UGT1A3: variants seen among roughly 807,000 people sequenced by gnomAD.
The protein encoded by UGT1A3 is UDP glucuronosyltransferase family 1 member A3.
In UGT1A3, 31 loss-of-function variants were observed where a neutral mutation model predicts 41.0. The ratio of observed to expected loss-of-function variants is 0.76; its 90% CI spans 0.57 to 1.02. The LOEUF is 1.02. UGT1A3 is among the 50% of genes least tolerant of loss of function. UGT1A3 has a pLI of 0.00. For missense variants in UGT1A3, 737 were observed against 671.0 expected (o/e 1.10, Z -1.09); for synonymous variants, 262 against 257.6 (o/e 1.02, Z -0.17).
chr2:233,757,238 G>C (rs191269433), intron 1 of UGT1A3, among the ~76,000 whole-genome samples: 1 of 148,984 alleles, frequency 6.7e-6, no homozygotes, highest in East Asian at 2.0e-4. Flanking sequence ...AGAAGTGGTG[G>C]TGAGGTGGGG....
At chr2:233,755,176 G>A in intron 1 of UGT1A3, 1 of 1,238,182 alleles carries the variant, frequency 8.1e-7, no homozygotes, top group South Asian at 1.2e-5. Flanking sequence ...TTTTTGTCGG[G>A]GTGCCACTTG....
rs778424052 is a variant in UGT1A3 at position 233,729,800 on chromosome 2, A to G, written c.674A>G (p.His225Arg). 8.1e-6 allele frequency: 13 copies of G among 1,613,840 alleles called. No homozygotes were observed. The highest frequency in any genetic ancestry group is 1.1e-5 in the South Asian group (1 of 91,078). Residue 225 changes from histidine (H) to arginine (R), a missense_variant, in exon 1 of 5, where the codon CAT becomes CGT. Physicochemically the swap from His to Arg is conservative, Grantham distance 29. Coordinates refer to ENST00000482026, the MANE Select transcript of UGT1A3 (RefSeq NM_019093.4). Reference sequence around the variant, plus strand: ...CCTCTGGCCCTGTCCTACATTTGCCATGCTTTTTCTGCTCCTTATGCAAGC... The same window carrying G: ...CCTCTGGCCCTGTCCTACATTTGCCGTGCTTTTTCTGCTCCTTATGCAAGC... Reference protein sequence around the residue: ...LYPLALSYICHAFSAPYASLA... With the variant: ...LYPLALSYICRAFSAPYASLA...
intron 1 of UGT1A3, chr2:233,754,454 C>T: frequency 5.6e-6 from 2 of 355,014 alleles, no homozygotes; most frequent in Admixed American, 3.8e-5. Context: ...TTCTTGGGTA[C>T]AGCTGTTCTG....
At chr2:233,744,448 G>C (rs1692820883) in intron 1 of UGT1A3, among the ~76,000 whole-genome samples, 1 of 151,846 alleles carries the variant, frequency 6.6e-6, no homozygotes, top group African/African-American at 2.4e-5. Context: ...TACTGCATTA[G>C]AGATTAAAAC....
At chr2:233,732,493 G>C (rs141356640) in intron 1 of UGT1A3, among the ~76,000 whole-genome samples, 2 of 152,178 alleles carry the variant, frequency 1.3e-5, no homozygotes, top group African/African-American at 4.8e-5. Context: ...TGTATAAGGC[G>C]TAAGGAAGGG....
intron 1 of UGT1A3, chr2:233,754,630 T>C (rs1285371125): frequency 2.2e-6 from 1 of 445,558 alleles, no homozygotes; most frequent in East Asian, 7.0e-5. Flanking sequence ...ACTTCCACCC[T>C]TTCTTGGCCA....
At chr2:233,737,894 G>A (rs1690620451) in intron 1 of UGT1A3, among the ~76,000 whole-genome samples, 1 of 151,986 alleles carries the variant, frequency 6.6e-6, no homozygotes, top group Non-Finnish European at 1.5e-5. Context: ...GCTAATTTTC[G>A]AGTGTGGTAA....
chr2:233,743,267 C>T (rs1692250223), intron 1 of UGT1A3: 1 of 463,686 alleles, frequency 2.2e-6, no homozygotes, highest in Non-Finnish European at 4.0e-6. Flanking sequence ...TCTTCCTCCA[C>T]TTCCACCCTT....
intron 4 of UGT1A3, chr2:233,770,774 T>C (rs1700153442): frequency 6.6e-6 from 1 of 152,224 alleles, no homozygotes; most frequent in African/African-American, 2.4e-5. Context: ...TAATAATGTT[T>C]CCAAATAACA....
intron 1 of UGT1A3, among the ~76,000 whole-genome samples, chr2:233,751,862 A>G (rs1489873330): frequency 6.6e-6 from 1 of 152,176 alleles, no homozygotes; most frequent in Admixed American, 6.5e-5. Flanking sequence ...TGTCTTTTAT[A>G]AATTACCCCG....
At chr2:233,758,124 A>G (rs1696806452) in intron 1 of UGT1A3, among the ~76,000 whole-genome samples, 1 of 152,212 alleles carries the variant, frequency 6.6e-6, no homozygotes, top group South Asian at 2.1e-4. Flanking sequence ...CGTTCCATAA[A>G]TATTTGGCAG....
intron 1 of UGT1A3, chr2:233,743,596 C>T (rs925952692): frequency 1.5e-6 from 2 of 1,367,220 alleles, no homozygotes; most frequent in Admixed American, 1.9e-5. Flanking sequence ...AGAATGGGTC[C>T]TGGCCGCCGA....
chr2:233,750,847 G>C (rs534611009), intron 1 of UGT1A3: 1 of 152,014 alleles, frequency 6.6e-6, no homozygotes, highest in African/African-American at 2.4e-5. Flanking sequence ...GGAAATGCTT[G>C]GATGTCCAGG....
intron 4 of UGT1A3, 140 bp from the exon 5 acceptor site, chr2:233,772,122 C>T (rs749512514): frequency 2.9e-5 from 45 of 1,536,534 alleles, no homozygotes; most frequent in Non-Finnish European, 3.9e-5. Flanking sequence ...CTAAAAACAA[C>T]AACAACAACA....
chr2:233,738,711 A>G (rs1264212613), intron 1 of UGT1A3, among the ~76,000 whole-genome samples: 1 of 152,268 alleles, frequency 6.6e-6, no homozygotes, highest in Non-Finnish European at 1.5e-5. Context: ...GAAGCAGAGC[A>G]TAAAAGTTTG....
At position 233,754,981 on chromosome 2, in the gene UGT1A3, C is replaced by G. The variant is rs561889596; in HGVS notation, c.868-12053C>G. 2.3e-6 allele frequency: 3 copies of G among 1,295,894 alleles called. No individual in the cohort carries two copies. The Admixed American group carries it at 5.7e-5, about 25-fold the overall frequency. 80.3% of individuals were successfully genotyped at this position (1,295,894 alleles called of 1,614,324 possible). ...CCAAAGAACTCCCTGAAGACCTCGG[C>G]GGGGTCACGGAAGCTGAAGACCTAC... On this transcript the variant is annotated intron_variant, in intron 1 of 4. Coordinates refer to ENST00000482026, the MANE Select transcript of UGT1A3 (RefSeq NM_019093.4).
chr2:233,761,024 A>T, intron 1 of UGT1A3: 1 of 1,614,070 alleles, frequency 6.2e-7, no homozygotes, highest in Non-Finnish European at 8.5e-7. Context: ...ACTGTCCAGG[A>T]CCTATTGAGC....
At chr2:233,745,540 A>C (rs952908361) in intron 1 of UGT1A3, among the ~76,000 whole-genome samples, 1 of 151,766 alleles carries the variant, frequency 6.6e-6, no homozygotes, top group African/African-American at 2.4e-5. Flanking sequence ...TTATGTCACC[A>C]GAACAAACTT....
At chr2:233,755,969 A>T (rs2125939557) in intron 1 of UGT1A3, 1 of 152,304 alleles carries the variant, frequency 6.6e-6, no homozygotes, top group African/African-American at 2.4e-5. Context: ...GGCTCTATAG[A>T]GAGGTGGATT....
Sources: gnomAD v4.1 joint callset for allele counts (sites outside exome capture counted in the v4.1 genomes callset) on GRCh38, gnomAD v4.1.1 for gene constraint, MANE v1.5 for transcripts, NCBI Gene and HGNC (gene_info 2026-07-23, HGNC 2026-07-21) for gene names.